PRTG: variants seen among roughly 807,000 people sequenced by gnomAD.
The protein encoded by PRTG is protogenin, also known as immunoglobulin superfamily, DCC subclass, member 5.
Under a neutral mutation model 122.5 loss-of-function variants are expected in PRTG, and 67 were observed. The ratio of observed to expected loss-of-function variants is 0.55; its 90% CI spans 0.45 to 0.67. The LOEUF is 0.67. Ranked by LOEUF, PRTG falls within the 30% of genes least tolerant of loss-of-function variation. The probability of loss-of-function intolerance (pLI) is 0.00; values close to 1 mark genes in which losing one functional copy is unlikely to be tolerated. For synonymous variants in PRTG, 554 were observed against 501.1 expected (o/e 1.11, Z -1.41); for missense variants, 1,435 against 1,415.4 (o/e 1.01, Z -0.22).
chr15:55,697,067 C>A (rs1034596983), intron 2 of PRTG, among the ~76,000 whole-genome samples: 2 of 152,074 alleles, frequency 1.3e-5, no homozygotes, highest in Non-Finnish European at 2.9e-5. Flanking sequence ...ATATTTCATC[C>A]GCTTTGCTCT....
Position 55,620,140 on chromosome 15 carries a change from C to G in PRTG, c.3325G>C (p.Ala1109Pro). ...CTATTTGCTGAATGTTCTGTATCAG[C>G]TGCAACACCAAAGGGTCTTGAGAAG... ...TSFSRPFGVA[A>P]DTEHSANSEG... The change falls in exon 20 of 20, where the codon GCT becomes CCT. Residue 1109 changes from alanine (A) to proline (P), a missense_variant. By Grantham distance (27) the Ala-to-Pro change is conservative. Transcript: ENST00000389286. 1.9e-6 allele frequency: 3 copies of G among 1,614,198 alleles called. No individual in the cohort carries two copies. The highest frequency in any genetic ancestry group is 1.7e-6 in the Non-Finnish European group (2 of 1,180,036).
intron 2 of PRTG, among the ~76,000 whole-genome samples, chr15:55,700,442 A>C (rs975342603): frequency 6.6e-6 from 1 of 152,184 alleles, no homozygotes; most frequent in African/African-American, 2.4e-5. Context: ...TAAAAAGCAC[A>C]ATCCATAAAA....
Position 55,614,319 on chromosome 15 carries a change from T to C in PRTG, c.*5693A>G, listed in dbSNP as rs2059133142. ...TGCTGATGGCATAAGGAGAGGCTCT[T>C]GCTGAGAAGGATGGGGAATGTGAGG... is the stretch of plus-strand genomic sequence containing the variant. On this transcript the variant is annotated 3_prime_UTR_variant, in exon 20 of 20. Coordinates refer to ENST00000389286, the MANE Select transcript of PRTG (RefSeq NM_173814.6). 1 of 152,052 alleles carries C rather than the reference T, an allele frequency of 6.6e-6. No homozygotes were observed. The highest frequency in any genetic ancestry group is 2.4e-5 in the African/African-American group (1 of 41,408). The allele number at this position is 152,052 out of a possible 1,614,324, so 9.4% of individuals were successfully genotyped here. A position where few individuals can be genotyped will look rare whatever the true frequency, so the allele number is the denominator to read the frequency against.
intron 2 of PRTG, among the ~76,000 whole-genome samples, chr15:55,693,945 C>A (rs1180914932): frequency 6.6e-6 from 1 of 152,056 alleles, no homozygotes; most frequent in Non-Finnish European, 1.5e-5. Flanking sequence ...AACTTTAAGG[C>A]CTGAATAAAG....
At chr15:55,686,431 C>T (rs2059570870) in intron 2 of PRTG, among the ~76,000 whole-genome samples, 1 of 152,058 alleles carries the variant, frequency 6.6e-6, no homozygotes, top group African/African-American at 2.4e-5. Flanking sequence ...AACAGAAGCT[C>T]CCCCAGCCTG....
At chr15:55,676,760 T>C (rs2059505173) in intron 8 of PRTG, among the ~76,000 whole-genome samples, 1 of 152,060 alleles carries the variant, frequency 6.6e-6, no homozygotes, top group African/African-American at 2.4e-5. Context: ...GGAACAAGAG[T>C]GGTCCCCACC....
At chr15:55,716,139 G>A (rs938733508) in intron 2 of PRTG, among the ~76,000 whole-genome samples, 8 of 152,136 alleles carry the variant, frequency 5.3e-5, no homozygotes, top group African/African-American at 7.2e-5. Flanking sequence ...AGGCTGAGAC[G>A]GGAGAATCGC....
At chr15:55,733,838 C>A (rs528058958) in intron 2 of PRTG, among the ~76,000 whole-genome samples, 20 of 151,828 alleles carry the variant, frequency 1.3e-4, no homozygotes, top group Non-Finnish European at 2.4e-4. Flanking sequence ...ACAACAAAAA[C>A]AACAACAACA....
At chr15:55,704,730 T>C (rs1245357761) in intron 2 of PRTG, among the ~76,000 whole-genome samples, 1 of 152,212 alleles carries the variant, frequency 6.6e-6, no homozygotes, top group African/African-American at 2.4e-5. Context: ...AGTCTACTTA[T>C]GACATTCAGT....
At chr15:55,684,012 T>A in intron 2 of PRTG, 81 bp from the exon 3 acceptor site, 1 of 1,227,972 alleles carries the variant, frequency 8.1e-7, no homozygotes. Flanking sequence ...ATATTACTTA[T>A]TGGACTTGAA....
In PRTG at chr15:55,680,091, G is replaced by C; in HGVS notation, c.936C>G (p.Arg312=). Residue 312 remains arginine, a synonymous_variant, in exon 6 of 20, where the codon CGC becomes CGG. Coordinates refer to ENST00000389286, the MANE Select transcript of PRTG (RefSeq NM_173814.6). ...YVCRATTPGT[R]NFTVAMATLT... ...AAGTTGCCATAGCAACTGTAAAGTT[G>C]CGTGTGCCAGGGGTAGTGGCCCGAC... 1 of 1,613,788 alleles carries C rather than the reference G, an allele frequency of 6.2e-7. No individual in the cohort carries two copies. The highest frequency in any genetic ancestry group is 8.5e-7 in the Non-Finnish European group (1 of 1,179,776).
intron 2 of PRTG, among the ~76,000 whole-genome samples, chr15:55,698,751 G>A (rs1320810398): frequency 6.6e-6 from 1 of 152,102 alleles, no homozygotes; most frequent in Non-Finnish European, 1.5e-5. Context: ...TGGCAGTTTA[G>A]GTGTGGTATA....
chr15:55,686,326 T>C (rs966946484), intron 2 of PRTG, among the ~76,000 whole-genome samples: 19 of 152,140 alleles, frequency 1.2e-4, no homozygotes, highest in Middle Eastern at 3.2e-3. Flanking sequence ...CCATATTCAA[T>C]TGACAGACTT....
chr15:55,674,311 T>A (rs1246901765), intron 9 of PRTG, among the ~76,000 whole-genome samples: 1 of 152,192 alleles, frequency 6.6e-6, no homozygotes, highest in Non-Finnish European at 1.5e-5. Flanking sequence ...TTGACCAAAT[T>A]AACCTCTCTT....
intron 9 of PRTG, 108 bp from the exon 10 acceptor site, chr15:55,673,784 C>T: frequency 1.2e-6 from 1 of 823,934 alleles, no homozygotes; most frequent in Non-Finnish European, 1.9e-6. Flanking sequence ...AAAGAAGAGA[C>T]ACTTTCAGCC....
chr15:55,673,307 G>A (rs932592414), intron 10 of PRTG, 64 bp downstream of exon 10: 6 of 1,112,816 alleles, frequency 5.4e-6, no homozygotes, highest in African/African-American at 3.1e-5. Context: ...ACATAATTTA[G>A]AGAAGAAAAA....
intron 18 of PRTG, among the ~76,000 whole-genome samples, chr15:55,621,429 G>T (rs1363867975): frequency 1.3e-5 from 2 of 151,946 alleles, no homozygotes; most frequent in Non-Finnish European, 2.9e-5. Flanking sequence ...AGGCTGAGGC[G>T]GGCGGATCAT....
At position 55,722,953 on chromosome 15, in the gene PRTG, A is replaced by G. The variant is rs1334160573; in HGVS notation, c.397+17429T>C. Among the ~76,000 whole-genome samples, 2 of 152,194 alleles carry G rather than the reference A, an allele frequency of 1.3e-5. 1 individual carries two copies. The highest frequency in any genetic ancestry group is 2.9e-5 in the Non-Finnish European group (2 of 68,024). On this transcript the variant is annotated intron_variant, in intron 2 of 19. Coordinates refer to ENST00000389286, the MANE Select transcript of PRTG (RefSeq NM_173814.6). Reference sequence around the variant, plus strand: ...ACGTGGAGAAAAAGTCAGTAGAAAAACCGAGCCCACCAGCAAGATTAACAA... The same window carrying G: ...ACGTGGAGAAAAAGTCAGTAGAAAAGCCGAGCCCACCAGCAAGATTAACAA...
intron 6 of PRTG, 126 bp from the exon 7 acceptor site, chr15:55,679,571 T>A: frequency 1.5e-6 from 1 of 665,782 alleles, no homozygotes; most frequent in Non-Finnish European, 2.5e-6. Context: ...TGAGCTCCTG[T>A]CTACATCTCC....
Sources: gnomAD v4.1 joint callset for allele counts (sites outside exome capture counted in the v4.1 genomes callset) on GRCh38, gnomAD v4.1.1 for gene constraint, MANE v1.5 for transcripts, NCBI Gene and HGNC (gene_info 2026-07-23, HGNC 2026-07-21) for gene names.